The following PLCE1 variants were observed in gnomAD, a reference collection of about 807,000 sequenced individuals.
The protein encoded by PLCE1 is 1-phosphatidylinositol 4,5-bisphosphate phosphodiesterase epsilon-1.
In PLCE1, 119 loss-of-function variants were observed where a neutral mutation model predicts 242.8. That is an observed-to-expected ratio of 0.49 (90% CI 0.42 to 0.57). PLCE1 has a LOEUF of 0.57. Ranked by LOEUF, PLCE1 falls within the 20% of genes least tolerant of loss-of-function variation. The probability of loss-of-function intolerance (pLI) is 0.00; values close to 1 mark genes in which losing one functional copy is unlikely to be tolerated. For missense variants in PLCE1, 2,441 were observed against 2,788.8 expected, an observed-to-expected ratio of 0.88 and a Z score of 2.81; for synonymous variants, 945 against 1,017.4, an observed-to-expected ratio of 0.93 and a Z score of 1.35.
At chr10:94,046,463 T>G (rs1162611481) in intron 2 of PLCE1, among the ~76,000 whole-genome samples, 1 of 152,164 alleles carries the variant, frequency 6.6e-6, no homozygotes, top group Non-Finnish European at 1.5e-5. Flanking sequence ...TGCAAGGGCC[T>G]TAGAGACCAT....
At chr10:94,255,755 A>C (rs2051049621) in intron 11 of PLCE1, among the ~76,000 whole-genome samples, 1 of 152,160 alleles carries the variant, frequency 6.6e-6, no homozygotes, top group Admixed American at 6.5e-5. Context: ...GAATGATATT[A>C]AAATGGCAGA....
intron 7 of PLCE1, among the ~76,000 whole-genome samples, chr10:94,238,745 G>A (rs1180711377): frequency 6.6e-6 from 1 of 152,152 alleles, no homozygotes; most frequent in African/African-American, 2.4e-5. Flanking sequence ...GGAGTATGAA[G>A]GTGTGTAGAG....
intron 27 of PLCE1, 22 bp from the exon 28 acceptor site, chr10:94,313,232 A>G (rs760779305): frequency 1.2e-6 from 2 of 1,613,426 alleles, no homozygotes; most frequent in Non-Finnish European, 1.7e-6. Flanking sequence ...ATGAATGATC[A>G]GCCATGTGAT....
chr10:94,231,290 T>G (rs988913943), intron 5 of PLCE1, among the ~76,000 whole-genome samples: 1 of 152,202 alleles, frequency 6.6e-6, no homozygotes, highest in African/African-American at 2.4e-5. Flanking sequence ...GAACCATGTC[T>G]CATTCATTCA....
At chr10:94,112,921 G>A (rs2045999688) in intron 2 of PLCE1, among the ~76,000 whole-genome samples, 1 of 152,194 alleles carries the variant, frequency 6.6e-6, no homozygotes, top group South Asian at 2.1e-4. Context: ...TCATTCAACA[G>A]AACATTTATT....
rs750064399 is a variant in PLCE1, at chr10:94,089,344, G to A, written c.1207-42830G>A. 4 of 1,611,572 alleles carry A rather than the reference G, an allele frequency of 2.5e-6. No homozygotes were observed. The Middle Eastern group carries it at 5.0e-4, about 200-fold the overall frequency. The stretch of plus-strand genomic sequence containing the variant: ...ACCCAATTTTACCTTGTTAAAGGAT[G>A]GATGTGGATGCTGGAGGCTTAAAGA... On this transcript the variant is annotated intron_variant, in intron 2 of 32. Transcript: ENST00000371380.
intron 18 of PLCE1, among the ~76,000 whole-genome samples, chr10:94,271,510 TTCA>T (rs1305373153): frequency 6.6e-6 from 1 of 151,582 alleles, no homozygotes; most frequent in Non-Finnish European, 1.5e-5. Context: ...GAGATGGGGT[TTCA>T]CCATGTTAGC....
chr10:94,307,200 T>A (rs1199346419), intron 26 of PLCE1, among the ~76,000 whole-genome samples: 2 of 152,224 alleles, frequency 1.3e-5, no homozygotes. Flanking sequence ...CTGATGAATT[T>A]CAGCCTGTGC....
intron 5 of PLCE1, among the ~76,000 whole-genome samples, chr10:94,231,955 T>G (rs980535924): frequency 1.3e-5 from 2 of 152,126 alleles, no homozygotes; most frequent in African/African-American, 4.8e-5. Context: ...GGCCCAGGGG[T>G]GGGGACCCCT....
At chr10:94,277,723 G>C (rs1317744039) in intron 19 of PLCE1, among the ~76,000 whole-genome samples, 1 of 152,148 alleles carries the variant, frequency 6.6e-6, no homozygotes, top group African/African-American at 2.4e-5. Context: ...GCCTACAACA[G>C]ATTTCCCAAA....
chr10:94,180,052 A>G (rs932330559), intron 4 of PLCE1, among the ~76,000 whole-genome samples: 8 of 152,122 alleles, frequency 5.3e-5, no homozygotes, highest in African/African-American at 1.7e-4. Context: ...TGAGACACAG[A>G]GAGACTAAAT....
At chr10:94,253,031 C>A (rs2050936182) in intron 9 of PLCE1, among the ~76,000 whole-genome samples, 1 of 152,160 alleles carries the variant, frequency 6.6e-6, no homozygotes. Context: ...GCCCCAAATA[C>A]TGTGTGTAGA....
At chr10:94,203,564 A>T (rs1239899527) in intron 4 of PLCE1, among the ~76,000 whole-genome samples, 4 of 152,232 alleles carry the variant, frequency 2.6e-5, no homozygotes, top group Non-Finnish European at 5.9e-5. Flanking sequence ...ACTTCTCAAC[A>T]AAAATGTAAT....
chr10:94,319,933 G>A (rs1027254738), intron 29 of PLCE1, among the ~76,000 whole-genome samples: 5 of 143,746 alleles, frequency 3.5e-5, no homozygotes, highest in African/African-American at 5.2e-5. Flanking sequence ...GCAGTGGCGC[G>A]ATCTCAGCTC....
At chr10:94,313,190 A>G (rs2053444158) in intron 27 of PLCE1, 64 bp from the exon 28 acceptor site, 1 of 1,598,396 alleles carries the variant, frequency 6.3e-7, no homozygotes, top group Non-Finnish European at 8.6e-7. Flanking sequence ...GCACCTCTGT[A>G]TCAAATAGAG....
intron 2 of PLCE1, among the ~76,000 whole-genome samples, chr10:94,117,114 T>G (rs1010583675): frequency 1.3e-5 from 2 of 152,130 alleles, no homozygotes; most frequent in Non-Finnish European, 2.9e-5. Flanking sequence ...CATATAGAGC[T>G]CCCATCCTCT....
At chr10:94,300,660 G>C (rs577520847) in intron 24 of PLCE1, among the ~76,000 whole-genome samples, 99 of 146,884 alleles carry the variant, frequency 6.7e-4, no homozygotes, top group African/African-American at 2.3e-3. Flanking sequence ...GTTACTCTGA[G>C]TTGAGGCAGA....
intron 13 of PLCE1, among the ~76,000 whole-genome samples, chr10:94,259,691 T>G (rs998660439): frequency 6.6e-6 from 1 of 152,174 alleles, no homozygotes; most frequent in African/African-American, 2.4e-5. Flanking sequence ...ATGTATTTAT[T>G]TAACCAATAA....
At chr10:94,311,680 C>T (rs1589520958) in intron 27 of PLCE1, among the ~76,000 whole-genome samples, 1 of 152,316 alleles carries the variant, frequency 6.6e-6, no homozygotes, top group Non-Finnish European at 1.5e-5. Context: ...GGTTCATTCT[C>T]ACCTGGCTTG....
Sources: gnomAD v4.1 joint callset for allele counts (sites outside exome capture counted in the v4.1 genomes callset) on GRCh38, gnomAD v4.1.1 for gene constraint, MANE v1.5 for transcripts, NCBI Gene and HGNC (gene_info 2026-07-23, HGNC 2026-07-21) for gene names.